C3orf20: variants seen among roughly 807,000 people sequenced by gnomAD.
C3orf20 encodes uncharacterized protein C3orf20.
C3orf20 carries 76 observed loss-of-function variants against 88.3 expected under a neutral mutation model. The observed-to-expected ratio is 0.86, with a 90% CI of 0.72 to 1.04. C3orf20 has a LOEUF of 1.04. Ranked by LOEUF, C3orf20 falls within the 50% of genes least tolerant of loss-of-function variation. The pLI is 0.00. For synonymous variants in C3orf20, 436 were observed against 437.4 expected (o/e 1.00, Z 0.04); for missense variants, 1,056 against 1,123.3 (o/e 0.94, Z 0.86).
At chr3:14,705,649 A>G (rs1024697025) in intron 7 of C3orf20, among the ~76,000 whole-genome samples, 1 of 152,190 alleles carries the variant, frequency 6.6e-6, no homozygotes, top group Non-Finnish European at 1.5e-5. Context: ...CCCAAACCCA[A>G]CATATTCTAG....
At position 14,762,652 on chromosome 3, in the gene C3orf20, C is replaced by A. The variant is rs139174844; in HGVS notation, c.2495+1037C>A. ...TGTGAGGATCTCATGAAAGTGTGTTCGTTAAAGAGCTTTGTGAACTGTGAA... is the reference window on the plus strand; with the variant it reads ...TGTGAGGATCTCATGAAAGTGTGTTAGTTAAAGAGCTTTGTGAACTGTGAA... On this transcript the variant is annotated intron_variant, in intron 15 of 16. Coordinates refer to ENST00000253697, the MANE Select transcript of C3orf20 (RefSeq NM_032137.5). Among the ~76,000 whole-genome samples the A allele has an allele frequency of 4.8e-3, 737 of 152,226 alleles. 11 individuals carry two copies. Among genetic ancestry groups the A allele is most frequent in the African/African-American group, 0.016 (684 of 41,514 alleles).
chr3:14,691,262 T>C (rs1022184347), intron 5 of C3orf20, among the ~76,000 whole-genome samples: 7 of 152,330 alleles, frequency 4.6e-5, no homozygotes, highest in Admixed American at 1.3e-4. Flanking sequence ...CATCTCATTG[T>C]GGTACAATAA....
At chr3:14,719,667 C>G (rs982013173) in intron 9 of C3orf20, among the ~76,000 whole-genome samples, 3 of 152,146 alleles carry the variant, frequency 2.0e-5, no homozygotes, top group African/African-American at 7.2e-5. Context: ...GTTTATAGAG[C>G]TGCCATACTT....
intron 6 of C3orf20, 146 bp downstream of exon 6, chr3:14,703,408 C>T: frequency 1.6e-6 from 2 of 1,281,238 alleles, no homozygotes; most frequent in Non-Finnish European, 2.1e-6. Flanking sequence ...GTGGTACTCC[C>T]CACGACAGCC....
chr3:14,734,450 G>C (rs571960901), intron 12 of C3orf20, among the ~76,000 whole-genome samples: 1 of 151,836 alleles, frequency 6.6e-6, no homozygotes, highest in South Asian at 2.1e-4. Context: ...GTTCTTTCTT[G>C]TCCCGTTGGA....
intron 10 of C3orf20, 97 bp downstream of exon 10, chr3:14,721,881 C>T: frequency 6.7e-7 from 1 of 1,486,966 alleles, no homozygotes. Flanking sequence ...TACTCCCCAC[C>T]ACCCTTCCAT....
chr3:14,697,815 T>A (rs1453967693), intron 5 of C3orf20, among the ~76,000 whole-genome samples: 1 of 151,116 alleles, frequency 6.6e-6, no homozygotes, highest in Non-Finnish European at 1.5e-5. Context: ...AGTGTTTGGT[T>A]TTCTGTCCTT....
chr3:14,759,957 CT>C lies in C3orf20; in HGVS notation c.2312del (p.Leu771ArgfsTer3). The C allele has an allele frequency of 2.5e-6, 4 of 1,614,176 alleles. No individual in the cohort carries two copies. In the South Asian group the frequency reaches 4.4e-5, roughly 18 times the overall value. On this transcript the variant is annotated frameshift_variant, in exon 14 of 17. Coordinates refer to ENST00000253697, the MANE Select transcript of C3orf20 (RefSeq NM_032137.5). LOFTEE classifies it high-confidence loss of function. ...CAGCCCCCTGCAGGAGGACCCTCCC[CT>C]GATGGTGAAGAAGAACTCTGTGGTG... ...LDSPLQEDPP[L>X]MVKKNSVVQG...
At chr3:14,735,959 C>T (rs1448668180) in intron 12 of C3orf20, among the ~76,000 whole-genome samples, 1 of 152,058 alleles carries the variant, frequency 6.6e-6, no homozygotes, top group Non-Finnish European at 1.5e-5. Context: ...TTTCATTGTT[C>T]TTTATTTTAC....
chr3:14,730,515 C>G (rs2034507284), intron 12 of C3orf20, among the ~76,000 whole-genome samples: 2 of 152,034 alleles, frequency 1.3e-5, no homozygotes, highest in Admixed American at 1.3e-4. Flanking sequence ...CCACTGCACT[C>G]CAGCCTGGGT....
At chr3:14,702,772 T>C (rs1164643696) in intron 5 of C3orf20, among the ~76,000 whole-genome samples, 1 of 152,064 alleles carries the variant, frequency 6.6e-6, no homozygotes, top group Non-Finnish European at 1.5e-5. Flanking sequence ...AATCATGCGT[T>C]CCCAACAGTC....
chr3:14,721,577 C>A, intron 9 of C3orf20, 76 bp from the exon 10 acceptor site: 2 of 1,568,808 alleles, frequency 1.3e-6, no homozygotes, highest in South Asian at 2.4e-5. Context: ...GGGCTTTGTG[C>A]TTCGTGGTGG....
intron 1 of C3orf20, among the ~76,000 whole-genome samples, chr3:14,679,136 ACT>A (rs2031947183): frequency 6.6e-6 from 1 of 152,124 alleles, no homozygotes; most frequent in Non-Finnish European, 1.5e-5. Context: ...CTTTTAGAAC[ACT>A]GTCTAGTGCC....
chr3:14,738,482 C>A (rs1244671159), intron 12 of C3orf20, among the ~76,000 whole-genome samples: 2 of 151,904 alleles, frequency 1.3e-5, no homozygotes, highest in African/African-American at 4.8e-5. Flanking sequence ...GCACCCGCCA[C>A]CACACCTGGC....
chr3:14,765,142 G>A (rs1030607945), intron 15 of C3orf20: 4 of 152,254 alleles, frequency 2.6e-5, no homozygotes, highest in African/African-American at 9.6e-5. Flanking sequence ...CCCAGTGAGT[G>A]AGGTTCAGCA....
At chr3:14,696,662 G>A (rs1396888242) in intron 5 of C3orf20, among the ~76,000 whole-genome samples, 3 of 151,826 alleles carry the variant, frequency 2.0e-5, no homozygotes, top group Non-Finnish European at 2.9e-5. Context: ...ATAGGCGTGA[G>A]CCACCATGCT....
intron 7 of C3orf20, among the ~76,000 whole-genome samples, chr3:14,707,680 A>G (rs2033572455): frequency 6.6e-6 from 1 of 152,126 alleles, no homozygotes; most frequent in Non-Finnish European, 1.5e-5. Context: ...TCTCAGTAGC[A>G]TCATTTAATG....
At chr3:14,694,231 C>T (rs950570388) in intron 5 of C3orf20, among the ~76,000 whole-genome samples, 8 of 152,116 alleles carry the variant, frequency 5.3e-5, no homozygotes, top group African/African-American at 1.9e-4. Flanking sequence ...AGTATTCCCT[C>T]CTCCTCTATT....
rs1211912609 is a variant in C3orf20 at position 14,772,022 on chromosome 3, C to T, written c.2496-45C>T. The T allele has an allele frequency of 6.2e-7, 1 of 1,611,916 alleles. No individual in the cohort carries two copies. Among genetic ancestry groups the T allele is most frequent in the Non-Finnish European group, 8.5e-7 (1 of 1,178,732 alleles). ...AACACTGATGGGACAGCGTGCAGTG[C>T]ACCCTGGGCCCTGAGCACTGCCCCC... is the stretch of plus-strand genomic sequence containing the variant. On this transcript the variant is annotated intron_variant, in intron 15 of 16. Coordinates refer to ENST00000253697, the MANE Select transcript of C3orf20 (RefSeq NM_032137.5). The surrounding 1 kb of genome is among the most constrained non-coding windows in gnomAD (Gnocchi z 4.2).
Sources: allele counts gnomAD v4.1 joint callset (sites outside exome capture counted in the v4.1 genomes callset), GRCh38; gene constraint gnomAD v4.1.1; non-coding constraint Gnocchi (gnomAD v3.1); transcripts MANE v1.5; gene names NCBI Gene and HGNC (gene_info 2026-07-23, HGNC 2026-07-21).